Variants in TYRO3 observed in about 807,000 individuals in gnomAD.
TYRO3 encodes the protein TYRO3 protein tyrosine kinase.
Under a neutral mutation model 95.2 loss-of-function variants are expected in TYRO3, and 38 were observed. The ratio of observed to expected loss-of-function variants is 0.40; its 90% CI spans 0.31 to 0.52. TYRO3 has a LOEUF of 0.52. Ranked by LOEUF, TYRO3 falls within the 20% of genes least tolerant of loss-of-function variation. The pLI is 0.56. For synonymous variants in TYRO3, 367 were observed against 432.9 expected (o/e 0.85, Z 1.89); for missense variants, 812 against 1,116.4 (o/e 0.73, Z 3.89).
intron 18 of TYRO3, 103 bp downstream of exon 18, chr15:41,573,918 G>GA: frequency 7.5e-7 from 1 of 1,331,352 alleles, no homozygotes; most frequent in South Asian, 1.3e-5. Context: ...TTTTTTGATA[G>GA]AAACATCCTT....
chr15:41,571,419 A>G (rs1300988720), intron 13 of TYRO3, 176 bp from the exon 14 acceptor site: 1 of 618,128 alleles, frequency 1.6e-6, no homozygotes, highest in Non-Finnish European at 2.9e-6. Flanking sequence ...GGCATTAGCA[A>G]GTGGAGAAGT....
chr15:41,575,391 C>T (rs963551977), intron 18 of TYRO3, among the ~76,000 whole-genome samples: 8 of 152,358 alleles, frequency 5.3e-5, no homozygotes, highest in African/African-American at 1.4e-4. Flanking sequence ...GGACCAGACC[C>T]CAGCGCAGCC....
At chr15:41,561,859 G>T in intron 3 of TYRO3, 1 of 441,054 alleles carries the variant, frequency 2.3e-6, no homozygotes. Flanking sequence ...ACAACCTGTG[G>T]GGTGCAGTCT....
chr15:41,567,407 T>C lies in TYRO3; in HGVS notation c.831T>C (p.Pro277=). Residue 277 remains proline, a synonymous_variant, in exon 7 of 19, where the codon CCT becomes CCC. Transcript: ENST00000263798. The stretch of plus-strand genomic sequence containing the variant: ...GGGAAGTCCTGGCTGTTGTGGTCCC[T>C]GTGCCCCCCTTTACCTGCCTGCTCC... ...GGWEVLAVVV[P]VPPFTCLLRD... The C allele has an allele frequency of 6.2e-7, 1 of 1,606,350 alleles. No homozygotes were observed. The highest frequency in any genetic ancestry group is 8.5e-7 in the Non-Finnish European group (1 of 1,177,364).
intron 6 of TYRO3, among the ~76,000 whole-genome samples, chr15:41,565,582 C>CTTT (rs71104798): frequency 3.8e-5 from 5 of 133,302 alleles, no homozygotes; most frequent in East Asian, 2.2e-4. Flanking sequence ...GCCCAGCTAA[C>CTTT]TTTTTTTTTT....
Position 41,580,606 on chromosome 15 carries a change from A to C in TYRO3, c.*2330A>C, listed in dbSNP as rs1410537465. On this transcript the variant is annotated 3_prime_UTR_variant, in exon 19 of 19. Transcript: ENST00000263798. ...TGATCTTTTGAAAATGCAAATATTCAGCTGGGCACAGTGGCGTGTATTTTT... is the reference window on the plus strand; with the variant it reads ...TGATCTTTTGAAAATGCAAATATTCCGCTGGGCACAGTGGCGTGTATTTTT... 2 of 151,858 alleles carry C rather than the reference A, an allele frequency of 1.3e-5. No individual in the cohort carries two copies. Among genetic ancestry groups the C allele is most frequent in the African/African-American group, 4.8e-5 (2 of 41,338 alleles). 9.4% of individuals were successfully genotyped at this position (151,858 alleles called of 1,614,324 possible). A position where few individuals can be genotyped will look rare whatever the true frequency, so the allele number is the denominator to read the frequency against.
chr15:41,564,967 C>A, intron 5 of TYRO3, 59 bp from the exon 6 acceptor site: 1 of 1,165,568 alleles, frequency 8.6e-7, no homozygotes, highest in Non-Finnish European at 1.3e-6. Context: ...GACTCCCATG[C>A]CTCCTGCTGC....
chr15:41,565,566 C>T (rs1417859621), intron 6 of TYRO3, among the ~76,000 whole-genome samples: 2 of 149,670 alleles, frequency 1.3e-5, no homozygotes, highest in Admixed American at 6.7e-5. Flanking sequence ...AGTCATGCAC[C>T]ACCACGCCCA....
At chr15:41,566,446 C>A (rs2055725900) in intron 6 of TYRO3, among the ~76,000 whole-genome samples, 1 of 152,146 alleles carries the variant, frequency 6.6e-6, no homozygotes, top group Non-Finnish European at 1.5e-5. Context: ...TGGCAAGGAC[C>A]CCCTCACTGC....
intron 16 of TYRO3, 67 bp downstream of exon 16, chr15:41,573,178 C>T (rs1051073180): frequency 1.8e-5 from 29 of 1,576,950 alleles, no homozygotes; most frequent in African/African-American, 5.4e-5. Context: ...AGCTGATGGT[C>T]GGCTCCTGCC....
intron 5 of TYRO3, 151 bp from the exon 6 acceptor site, chr15:41,564,875 G>A (rs1236075834): frequency 6.4e-6 from 4 of 626,484 alleles, no homozygotes; most frequent in African/African-American, 5.4e-5. Flanking sequence ...TTGCTTATTT[G>A]TGTACTACTG....
rs139310063 is a variant in TYRO3, at chr15:41,570,441, G to T, written c.1483+101G>T. 55 of 1,449,072 alleles carry T rather than the reference G, an allele frequency of 3.8e-5. 1 individual carries two copies. In the East Asian group the frequency reaches 1.3e-3, roughly 33 times the overall value. 89.8% of individuals were successfully genotyped at this position (1,449,072 alleles called of 1,614,324 possible). A position where few individuals can be genotyped will look rare whatever the true frequency, so the allele number is the denominator to read the frequency against. On this transcript the variant is annotated intron_variant, in intron 11 of 18. Coordinates refer to ENST00000263798, the MANE Select transcript of TYRO3 (RefSeq NM_006293.4). ...ATTTGACTGATATGTCTGAACATCA[G>T]TGAGCCCCAGGCACACAAATCTGCC...
In TYRO3 at chr15:41,561,349, G is replaced by T. The variant is rs771598318; in HGVS notation, c.308+39G>T. The stretch of plus-strand genomic sequence containing the variant: ...GGGGAAGGTGTGGGCTGCCAGCCAG[G>T]GGGCAGGCTATGCTCTTTCCTTGGG... On this transcript the variant is annotated intron_variant, in intron 2 of 18. Coordinates refer to ENST00000263798, the MANE Select transcript of TYRO3 (RefSeq NM_006293.4). 21 of 1,596,800 alleles carry T rather than the reference G, an allele frequency of 1.3e-5. No homozygotes were observed. In the African/African-American group the frequency reaches 2.3e-4, roughly 17 times the overall value.
intron 1 of TYRO3, among the ~76,000 whole-genome samples, chr15:41,560,445 G>GCT (rs1555395712): frequency 6.7e-6 from 1 of 149,526 alleles, no homozygotes; most frequent in African/African-American, 2.5e-5. Flanking sequence ...GCGCGCGCGC[G>GCT]CTCGCACGCA....
At chr15:41,566,609 G>C (rs2055728346) in intron 6 of TYRO3, among the ~76,000 whole-genome samples, 1 of 152,194 alleles carries the variant, frequency 6.6e-6, no homozygotes, top group Non-Finnish European at 1.5e-5. Context: ...CCATTCGTGA[G>C]GGGGATGGGA....
chr15:41,572,077 G>A (rs536093495), intron 14 of TYRO3, among the ~76,000 whole-genome samples: 4 of 151,928 alleles, frequency 2.6e-5, no homozygotes, highest in African/African-American at 9.7e-5. Flanking sequence ...GTGCACCTTT[G>A]TCCAGCTACC....
At chr15:41,560,428 T>TGTGTGTGTGTGTGCGC (rs1408766845) in intron 1 of TYRO3, among the ~76,000 whole-genome samples, 211 of 135,292 alleles carry the variant, frequency 1.6e-3, no homozygotes, top group Middle Eastern at 3.8e-3. Context: ...TGTGTGTGTG[T>TGTGTGTGTGTGTGCGC]GCGCGCGCGC....
chr15:41,577,738 G>A (rs921680595), intron 18 of TYRO3, 148 bp from the exon 19 acceptor site: 6 of 760,572 alleles, frequency 7.9e-6, no homozygotes, highest in Non-Finnish European at 1.2e-5. Context: ...ACCCCCCTTC[G>A]GCCTCCCAAA....
Position 41,568,236 on chromosome 15 carries a change from A to G in TYRO3, c.981A>G (p.Gln327=), listed in dbSNP as rs779416426. 2 of 1,612,478 alleles carry G rather than the reference A, an allele frequency of 1.2e-6. No homozygotes were observed. The highest frequency in any genetic ancestry group is 2.2e-5 in the South Asian group (2 of 90,998). ...CTGCAGCCCCAGCCAGCGCTCCCCA[A>G]AACCTCCATGCCATCCGCACAGATT... The part of the protein sequence containing the change: ...TKGLAPASAP[Q]NLHAIRTDSG... The change falls in exon 8 of 19, where the codon CAA becomes CAG. Residue 327 remains glutamine, a synonymous_variant. Coordinates refer to ENST00000263798, the MANE Select transcript of TYRO3 (RefSeq NM_006293.4).
Sources: allele counts gnomAD v4.1 joint callset (sites outside exome capture counted in the v4.1 genomes callset), GRCh38; gene constraint gnomAD v4.1.1; transcripts MANE v1.5; gene names NCBI Gene and HGNC (gene_info 2026-07-23, HGNC 2026-07-21).